SDK1: variants seen among roughly 807,000 people sequenced by gnomAD.
SDK1 encodes the protein protein sidekick-1.
In SDK1, 157 loss-of-function variants were observed where a neutral mutation model predicts 245.5. The ratio of observed to expected loss-of-function variants is 0.64; its 90% CI spans 0.56 to 0.73. The LOEUF (loss-of-function observed/expected upper bound fraction) is 0.73, where lower values mean the gene tolerates loss of function less well. Ranked by LOEUF, SDK1 falls within the 30% of genes least tolerant of loss-of-function variation. SDK1 has a pLI of 0.00. For synonymous variants in SDK1, 1,647 were observed against 1,278.5 expected, an observed-to-expected ratio of 1.29 and a Z score of -6.15; for missense variants, 3,583 against 3,002.3, an observed-to-expected ratio of 1.19 and a Z score of -4.52.
At chr7:4,135,581 C>T (rs983088469) in intron 28 of SDK1, among the ~76,000 whole-genome samples, 1 of 152,208 alleles carries the variant, frequency 6.6e-6, no homozygotes, top group African/African-American at 2.4e-5. Flanking sequence ...ACAAGTAGGC[C>T]GGCAGCCTGG....
At chr7:3,959,819 G>T (rs138728623) in intron 8 of SDK1, among the ~76,000 whole-genome samples, 2 of 151,102 alleles carry the variant, frequency 1.3e-5, no homozygotes, top group East Asian at 3.9e-4. Context: ...TTTCAGCTCT[G>T]GGTCCCCTTT....
At chr7:3,969,226 T>C (rs1782300520) in intron 10 of SDK1, 31 bp from the exon 11 acceptor site, 1 of 1,545,232 alleles carries the variant, frequency 6.5e-7, no homozygotes, top group Non-Finnish European at 8.8e-7. Flanking sequence ...GTTACGACTG[T>C]AACATGCCTC....
chr7:4,127,329 A>G (rs1485189271), intron 25 of SDK1, 52 bp from the exon 26 acceptor site: 1 of 1,333,848 alleles, frequency 7.5e-7, no homozygotes. Context: ...GGATCTTTGT[A>G]TGTAGACACT....
intron 1 of SDK1, among the ~76,000 whole-genome samples, chr7:3,418,971 A>C (rs1248903034): frequency 6.6e-6 from 1 of 152,162 alleles, no homozygotes; most frequent in Non-Finnish European, 1.5e-5. Context: ...TGTAGGGACC[A>C]TGTTCTTGTG....
chr7:4,132,107 GGGTTTAAAGGGAAGTGTTT>G (rs1372577302), intron 27 of SDK1, among the ~76,000 whole-genome samples, 199 bp from the exon 28 acceptor site: 9 of 152,154 alleles, frequency 5.9e-5, no homozygotes, highest in African/African-American at 1.9e-4. Context: ...CAGACGGGCA[GGGTTTAAAGGGAAGTGTTT>G]GCTCAAGATC....
At chr7:3,487,480 T>A (rs1001982241) in intron 1 of SDK1, among the ~76,000 whole-genome samples, 1 of 152,070 alleles carries the variant, frequency 6.6e-6, no homozygotes, top group African/African-American at 2.4e-5. Flanking sequence ...GGTGGCTCAT[T>A]CTGGTAATCC....
At chr7:3,868,036 T>G (rs925397580) in intron 5 of SDK1, among the ~76,000 whole-genome samples, 6 of 152,190 alleles carry the variant, frequency 3.9e-5, no homozygotes. Flanking sequence ...CATTTTTGTT[T>G]GAATGTTTCA....
chr7:3,333,046 G>A (rs1051777177), intron 1 of SDK1, among the ~76,000 whole-genome samples: 2 of 152,158 alleles, frequency 1.3e-5, no homozygotes, highest in African/African-American at 4.8e-5. Flanking sequence ...GCCAAGAAAG[G>A]AGAAGCTGCT....
chr7:4,073,933 C>G (rs1358568392), intron 20 of SDK1, among the ~76,000 whole-genome samples: 2 of 151,600 alleles, frequency 1.3e-5, no homozygotes, highest in African/African-American at 4.9e-5. Flanking sequence ...TCAGGCCCCT[C>G]TCCCAGTTCC....
At chr7:3,430,584 C>A (rs1477602678) in intron 1 of SDK1, among the ~76,000 whole-genome samples, 1 of 152,198 alleles carries the variant, frequency 6.6e-6, no homozygotes, top group African/African-American at 2.4e-5. Context: ...AGCCTCCTGT[C>A]CTATGTGACA....
chr7:3,952,813 A>G (rs910937447), intron 7 of SDK1, among the ~76,000 whole-genome samples: 2 of 152,284 alleles, frequency 1.3e-5, no homozygotes, highest in Middle Eastern at 3.4e-3. Context: ...GCTGGAAACT[A>G]TTAGTGTTTA....
chr7:3,974,599 G>T, intron 13 of SDK1, 54 bp downstream of exon 13: 1 of 1,549,852 alleles, frequency 6.5e-7, no homozygotes, highest in African/African-American at 1.4e-5. Flanking sequence ...CCGTTACTGT[G>T]CCCCTGTTAG....
chr7:3,384,495 G>C (rs1414957168), intron 1 of SDK1, among the ~76,000 whole-genome samples: 1 of 152,222 alleles, frequency 6.6e-6, no homozygotes, highest in Non-Finnish European at 1.5e-5. Flanking sequence ...AAGGATTTGA[G>C]AAATGCTAGA....
intron 14 of SDK1, among the ~76,000 whole-genome samples, chr7:3,997,862 G>A (rs898267415): frequency 3.3e-5 from 5 of 152,186 alleles, no homozygotes; most frequent in African/African-American, 1.2e-4. Flanking sequence ...TGCCATTCAT[G>A]GCACTCATGC....
intron 14 of SDK1, among the ~76,000 whole-genome samples, chr7:4,006,749 TG>T (rs1199095766): frequency 6.6e-6 from 1 of 152,234 alleles, no homozygotes; most frequent in Non-Finnish European, 1.5e-5. Context: ...GCAGCAGGAC[TG>T]GGCAGGCCCC....
chr7:3,946,380 A>G lies in SDK1; in HGVS notation c.848-4543A>G, dbSNP rs918959075. The stretch of plus-strand genomic sequence containing the variant: ...ATTTTTGTAGACATGGGGTTTCACT[A>G]TGTTGCCCAGGCTGGTCTCAAACTC... On this transcript the variant is annotated intron_variant, in intron 5 of 44. Transcript: ENST00000404826. Among the ~76,000 whole-genome samples, 5 of 151,828 alleles carry G rather than the reference A, an allele frequency of 3.3e-5. No individual in the cohort carries two copies. The East Asian group carries it at 5.8e-4, about 18-fold the overall frequency.
At chr7:3,731,658 G>A (rs2115041377) in intron 4 of SDK1, among the ~76,000 whole-genome samples, 1 of 152,246 alleles carries the variant, frequency 6.6e-6, no homozygotes, top group Middle Eastern at 3.4e-3. Flanking sequence ...TTGTGATGGT[G>A]ATAGAGCCCC....
chr7:3,874,002 C>T (rs2115137720), intron 5 of SDK1, among the ~76,000 whole-genome samples: 1 of 151,912 alleles, frequency 6.6e-6, no homozygotes, highest in Admixed American at 6.5e-5. Context: ...TTTCATATGC[C>T]TCATAATAGT....
intron 36 of SDK1, among the ~76,000 whole-genome samples, chr7:4,207,157 G>T (rs1784268805): frequency 6.6e-6 from 1 of 152,224 alleles, no homozygotes; most frequent in Non-Finnish European, 1.5e-5. Context: ...GTCAGGGCCT[G>T]CCCAGCAAGA....
Sources: allele counts gnomAD v4.1 joint callset (sites outside exome capture counted in the v4.1 genomes callset), GRCh38; gene constraint gnomAD v4.1.1; transcripts MANE v1.5; gene names NCBI Gene and HGNC (gene_info 2026-07-23, HGNC 2026-07-21).